The following ARK2C variants were observed in gnomAD, a reference collection of about 807,000 sequenced individuals.
ARK2C encodes the protein E3 ubiquitin-protein ligase ARK2C.
the ARK2C span, among the ~76,000 whole-genome samples, chr18:46,398,386 G>A: frequency 2.6e-5 from 4 of 151,932 alleles, no homozygotes; most frequent in Non-Finnish European, 5.9e-5. Context: ...AGTGAAGTGT[G>A]TGTCAAGTGC....
At chr18:46,406,745 G>T in the ARK2C span, among the ~76,000 whole-genome samples, 1 of 152,254 alleles carries the variant, frequency 6.6e-6, no homozygotes, top group African/African-American at 2.4e-5. Flanking sequence ...ATGCAGCCAG[G>T]TGTTGGGCTA....
At chr18:46,460,715 G>A in the ARK2C span, 1 of 152,584 alleles carries the variant, frequency 6.6e-6, no homozygotes, top group Non-Finnish European at 1.5e-5. Context: ...ATCAGGGTGT[G>A]TGATTGCAAG....
chr18:46,420,976 G>C, the ARK2C span, among the ~76,000 whole-genome samples: 1 of 152,032 alleles, frequency 6.6e-6, no homozygotes, highest in African/African-American at 2.4e-5. Flanking sequence ...ACTCTACATG[G>C]TTTGCAAAAG....
At chr18:46,446,933 G>C in the ARK2C span, among the ~76,000 whole-genome samples, 20 of 152,132 alleles carry the variant, frequency 1.3e-4, no homozygotes, top group African/African-American at 4.8e-4. Context: ...TAGTTCTCTT[G>C]TTTCTAGTTA....
At chr18:46,411,194 G>A in the ARK2C span, among the ~76,000 whole-genome samples, 2 of 152,370 alleles carry the variant, frequency 1.3e-5, no homozygotes, top group African/African-American at 4.8e-5. Flanking sequence ...GCCCCTTGGG[G>A]AAGGCAGTGT....
chr18:46,442,027 G>A, the ARK2C span, among the ~76,000 whole-genome samples: 2 of 150,766 alleles, frequency 1.3e-5, no homozygotes, highest in African/African-American at 4.9e-5. Flanking sequence ...GCCGGGCATG[G>A]TGGCGCGCGC....
the ARK2C span, among the ~76,000 whole-genome samples, chr18:46,378,475 A>T: frequency 6.6e-6 from 1 of 152,160 alleles, no homozygotes; most frequent in Non-Finnish European, 1.5e-5. Context: ...GGGCTTTTGC[A>T]CCGCTTTCTG....
At chr18:46,436,880 C>T in the ARK2C span, among the ~76,000 whole-genome samples, 1 of 152,192 alleles carries the variant, frequency 6.6e-6, no homozygotes, top group Admixed American at 6.5e-5. Context: ...TCAGCACACA[C>T]GGAGTACTCA....
At chr18:46,412,355 G>A in the ARK2C span, among the ~76,000 whole-genome samples, 1 of 152,248 alleles carries the variant, frequency 6.6e-6, no homozygotes, top group Non-Finnish European at 1.5e-5. Flanking sequence ...GGCAGCCCCA[G>A]AGGGTTACCA....
chr18:46,365,082 T>C, the ARK2C span, among the ~76,000 whole-genome samples: 1 of 152,216 alleles, frequency 6.6e-6, no homozygotes, highest in Non-Finnish European at 1.5e-5. Flanking sequence ...CTGATATTCC[T>C]GCTTTATCAC....
At chr18:46,363,059 T>C in the ARK2C span, among the ~76,000 whole-genome samples, 2 of 152,028 alleles carry the variant, frequency 1.3e-5, no homozygotes, top group African/African-American at 2.4e-5. Flanking sequence ...ATGGCATGAG[T>C]TTTGCCTGAT....
At chr18:46,394,817 T>C in the ARK2C span, among the ~76,000 whole-genome samples, 3 of 152,206 alleles carry the variant, frequency 2.0e-5, no homozygotes, top group Non-Finnish European at 4.4e-5. Flanking sequence ...GCTTCCTGAA[T>C]AAACAAAGGA....
the ARK2C span, among the ~76,000 whole-genome samples, chr18:46,454,323 C>T: frequency 6.6e-6 from 1 of 152,000 alleles, no homozygotes; most frequent in Middle Eastern, 3.2e-3. Flanking sequence ...CCTCCTTTTT[C>T]TAGCAGGGTC....
chr18:46,364,273 G>T, the ARK2C span, among the ~76,000 whole-genome samples: 1 of 151,872 alleles, frequency 6.6e-6, no homozygotes, highest in Admixed American at 6.6e-5. Context: ...TGAGGACAAA[G>T]GTTTTCTGGG....
chr18:46,380,121 C>T, the ARK2C span, among the ~76,000 whole-genome samples: 1 of 152,234 alleles, frequency 6.6e-6, no homozygotes, highest in Admixed American at 6.5e-5. Flanking sequence ...GTGCAGGGGC[C>T]TCGAACCTCT....
At chr18:46,337,450 G>A in the ARK2C span, 1 of 985,388 alleles carries the variant, frequency 1.0e-6, no homozygotes. Context: ...CTCGGTTAGA[G>A]ATGTTACCCT....
chr18:46,354,169 G>A, the ARK2C span, among the ~76,000 whole-genome samples: 4 of 152,174 alleles, frequency 2.6e-5, no homozygotes, highest in Middle Eastern at 3.2e-3. Flanking sequence ...TATGTCCAGC[G>A]AAGGCCCAGG....
chr18:46,407,823 G>T, the ARK2C span, among the ~76,000 whole-genome samples: 2 of 152,222 alleles, frequency 1.3e-5, no homozygotes, highest in African/African-American at 2.4e-5. Flanking sequence ...CATGTGAAAA[G>T]TTGGGTGACA....
the ARK2C span, among the ~76,000 whole-genome samples, chr18:46,361,745 C>T: frequency 3.9e-5 from 6 of 152,216 alleles, no homozygotes; most frequent in Non-Finnish European, 5.9e-5. Flanking sequence ...CCTCCCCAGG[C>T]GGGAGCCAGG....
Sources: allele counts gnomAD v4.1 joint callset (sites outside exome capture counted in the v4.1 genomes callset), GRCh38; gene constraint gnomAD v4.1.1; transcripts MANE v1.5; gene names NCBI Gene and HGNC (gene_info 2026-07-23, HGNC 2026-07-21).